RAB3GAP1: variants seen among roughly 807,000 people sequenced by gnomAD.
The protein encoded by RAB3GAP1 is rab3 GTPase-activating protein catalytic subunit.
In RAB3GAP1, 86 loss-of-function variants were observed where a neutral mutation model predicts 130.7. The observed-to-expected ratio is 0.66, with a 90% CI of 0.55 to 0.79. The LOEUF (loss-of-function observed/expected upper bound fraction) is 0.79, where lower values mean the gene tolerates loss of function less well. Ranked by LOEUF, RAB3GAP1 falls within the 30% of genes least tolerant of loss-of-function variation. The pLI, the probability that RAB3GAP1 is intolerant of heterozygous loss-of-function variation, is 0.00. For synonymous variants in RAB3GAP1, 367 were observed against 401.7 expected (o/e 0.91, Z 1.03); for missense variants, 1,029 against 1,169.4 (o/e 0.88, Z 1.75).
chr2:135,064,706 T>A (rs1689266200), intron 3 of RAB3GAP1, among the ~76,000 whole-genome samples: 1 of 150,730 alleles, frequency 6.6e-6, no homozygotes, highest in African/African-American at 2.4e-5. Flanking sequence ...TTTTTTTGAG[T>A]ATAGATCACA....
chr2:135,110,440 A>T (rs1427066340), intron 5 of RAB3GAP1, among the ~76,000 whole-genome samples: 1 of 152,188 alleles, frequency 6.6e-6, no homozygotes, highest in Non-Finnish European at 1.5e-5. Flanking sequence ...TGGCAAGGTA[A>T]ATCTTTAAAG....
chr2:135,061,216 C>T (rs1689161407), intron 3 of RAB3GAP1, among the ~76,000 whole-genome samples: 1 of 152,012 alleles, frequency 6.6e-6, no homozygotes, highest in Non-Finnish European at 1.5e-5. Context: ...TTTCACTTGT[C>T]CACATACGTA....
Position 135,132,540 on chromosome 2 carries a change from G to A in RAB3GAP1, c.1237-355G>A, listed in dbSNP as rs193186521. On this transcript the variant is annotated intron_variant, in intron 13 of 23. Transcript: ENST00000264158. ...TGAGTGTTTTTAAATTGTCTTTTGT[G>A]GTTTTGTTTTTTAGATAGTAGTAAC... is the stretch of plus-strand genomic sequence containing the variant. Among the ~76,000 whole-genome samples the A allele has an allele frequency of 1.1e-4, 16 of 152,104 alleles. No individual in the cohort carries two copies. The East Asian group carries it at 3.1e-3, about 29-fold the overall frequency.
chr2:135,164,557 A>C, intron 22 of RAB3GAP1, 37 bp from the exon 23 acceptor site: 1 of 1,525,428 alleles, frequency 6.6e-7, no homozygotes, highest in Non-Finnish European at 9.1e-7. Context: ...TGGACAGCTC[A>C]CTTTCCACCC....
chr2:135,102,635 C>T (rs185543905), intron 5 of RAB3GAP1, among the ~76,000 whole-genome samples: 2 of 152,276 alleles, frequency 1.3e-5, no homozygotes, highest in Admixed American at 1.3e-4. Context: ...TAGCTTTAGT[C>T]ATGCTTTATT....
chr2:135,080,004 C>T (rs1689744837), intron 3 of RAB3GAP1, among the ~76,000 whole-genome samples: 1 of 151,534 alleles, frequency 6.6e-6, no homozygotes, highest in Admixed American at 6.6e-5. Context: ...GTAGTCCCAG[C>T]TACTCGGGAG....
chr2:135,129,464 AT>A (rs1276513033), intron 11 of RAB3GAP1, among the ~76,000 whole-genome samples: 1 of 151,438 alleles, frequency 6.6e-6, no homozygotes, highest in Admixed American at 6.6e-5. Flanking sequence ...AAAAAAAAAA[AT>A]AAAATAAATA....
At position 135,089,936 on chromosome 2, in the gene RAB3GAP1, C is replaced by T. The variant is rs187820186; in HGVS notation, c.151-1062C>T. The T allele has an allele frequency of 2.5e-3, 591 of 235,712 alleles. 2 individuals carry two copies. Among genetic ancestry groups the T allele is most frequent in the Non-Finnish European group, 3.3e-3 (361 of 110,020 alleles). The allele number at this position is 235,712 out of a possible 1,614,324, so 14.6% of individuals were successfully genotyped here. On this transcript the variant is annotated intron_variant, in intron 3 of 23. Coordinates refer to ENST00000264158, the MANE Select transcript of RAB3GAP1 (RefSeq NM_012233.3). Reference sequence around the variant, plus strand: ...AAGCATCACACACTGGGACCTGTTGCGGGAGGGGAGGGCTAGGGGAGGGAT... The same window carrying T: ...AAGCATCACACACTGGGACCTGTTGTGGGAGGGGAGGGCTAGGGGAGGGAT...
intron 17 of RAB3GAP1, among the ~76,000 whole-genome samples, chr2:135,147,536 A>G (rs1484080848): frequency 2.0e-5 from 3 of 152,004 alleles, no homozygotes; most frequent in Admixed American, 1.3e-4. Context: ...ATTCGAAAAC[A>G]CTTGGCATGT....
intron 5 of RAB3GAP1, among the ~76,000 whole-genome samples, chr2:135,107,449 A>G (rs868755156): frequency 5.3e-5 from 8 of 152,162 alleles, no homozygotes; most frequent in Middle Eastern, 6.8e-3. Flanking sequence ...GAGTTATACT[A>G]TATAAAATTG....
At chr2:135,106,756 T>TAAAAAAAA (rs201827793) in intron 5 of RAB3GAP1, among the ~76,000 whole-genome samples, 9 of 65,532 alleles carry the variant, frequency 1.4e-4, no homozygotes, top group Non-Finnish European at 2.1e-4. Flanking sequence ...CAATAAATAC[T>TAAAAAAAA]AAAAAAAAAA....
intron 8 of RAB3GAP1, among the ~76,000 whole-genome samples, chr2:135,122,300 G>A (rs1691228627): frequency 6.6e-6 from 1 of 152,120 alleles, no homozygotes; most frequent in Non-Finnish European, 1.5e-5. Context: ...GGTAGTTTTA[G>A]TTCCCAGGTA....
intron 17 of RAB3GAP1, chr2:135,136,842 C>G: frequency 2.2e-6 from 1 of 444,690 alleles, no homozygotes; most frequent in East Asian, 7.7e-5. Context: ...AGCCTGCAAG[C>G]CCCACACCAA....
intron 2 of RAB3GAP1, among the ~76,000 whole-genome samples, chr2:135,057,467 T>C (rs941274722): frequency 6.6e-6 from 1 of 152,214 alleles, no homozygotes; most frequent in Admixed American, 6.5e-5. Context: ...AGTGGCGCGA[T>C]GTCCGCTCAC....
chr2:135,067,196 A>T (rs1689346758), intron 3 of RAB3GAP1, among the ~76,000 whole-genome samples: 1 of 152,192 alleles, frequency 6.6e-6, no homozygotes, highest in Non-Finnish European at 1.5e-5. Flanking sequence ...TTTATGGAGT[A>T]TTAAAGTGGA....
At chr2:135,073,544 A>G (rs935053702) in intron 3 of RAB3GAP1, among the ~76,000 whole-genome samples, 8 of 152,128 alleles carry the variant, frequency 5.3e-5, no homozygotes, top group African/African-American at 9.7e-5. Flanking sequence ...GTTCTTTCCC[A>G]TGTATCTCAT....
chr2:135,147,677 A>G (rs933860034), intron 17 of RAB3GAP1, among the ~76,000 whole-genome samples: 3 of 144,396 alleles, frequency 2.1e-5, no homozygotes, highest in East Asian at 2.2e-4. Flanking sequence ...AGTGCACTCA[A>G]TCATAGCTCA....
chr2:135,171,515 G>T (rs1448708009), downstream of RAB3GAP1, among the ~76,000 whole-genome samples: 1 of 152,172 alleles, frequency 6.6e-6, no homozygotes, highest in Non-Finnish European at 1.5e-5. Flanking sequence ...AGGTGCACAT[G>T]CTTGTGAAAT....
intron 17 of RAB3GAP1, among the ~76,000 whole-genome samples, chr2:135,141,018 G>A (rs1377065293): frequency 6.6e-6 from 1 of 151,586 alleles, no homozygotes; most frequent in African/African-American, 2.4e-5. Flanking sequence ...GGATCTTGTG[G>A]TTTTACATTT....
Sources: allele counts gnomAD v4.1 joint callset (sites outside exome capture counted in the v4.1 genomes callset), GRCh38; gene constraint gnomAD v4.1.1; transcripts MANE v1.5; gene names NCBI Gene and HGNC (gene_info 2026-07-23, HGNC 2026-07-21).